The following TEN1 variants were observed in gnomAD, a reference collection of about 807,000 sequenced individuals.
The protein encoded by TEN1 is CST complex subunit TEN1.
A neutral mutation model predicts 9.3 loss-of-function variants in TEN1; 6 were observed. The observed-to-expected ratio is 0.65, with a 90% CI of 0.35 to 1.27. The LOEUF is 1.27. Ranked by LOEUF, TEN1 falls within the 50% of genes most tolerant of loss-of-function variation. The pLI, the probability that TEN1 is intolerant of heterozygous loss-of-function variation, is 0.03. For missense variants in TEN1, 149 were observed against 158.2 expected (o/e 0.94, Z 0.31); for synonymous variants, 65 against 65.6 (o/e 0.99, Z 0.04).
At position 76,000,498 on chromosome 17, in the gene TEN1, G is replaced by A; in HGVS notation, c.*236G>A. On this transcript the variant is annotated 3_prime_UTR_variant, in exon 4 of 4. Coordinates refer to ENST00000397640, the MANE Select transcript of TEN1 (RefSeq NM_001113324.3). This position sits in a 1 kb window ranked among gnomAD's most constrained non-coding sequence, Gnocchi z 5.9. ...ACCCCAGGAGACTGCAGGTGGCCGA[G>A]CTTGGGCGCCGGGGCCGTGCTTGGT... is the stretch of plus-strand genomic sequence containing the variant. The A allele has an allele frequency of 8.4e-6, 5 of 593,538 alleles. No homozygotes were observed. The South Asian group carries it at 1.2e-4, about 15-fold the overall frequency. The allele number at this position is 593,538 out of a possible 1,614,324, so 36.8% of individuals were successfully genotyped here. A position where few individuals can be genotyped will look rare whatever the true frequency, so the allele number is the denominator to read the frequency against.
At position 75,991,611 on chromosome 17, in the gene TEN1, C is replaced by T; in HGVS notation, c.238C>T (p.Gln80Ter). 6.4e-7 allele frequency: 1 copy of T among 1,551,550 alleles called. No homozygotes were observed. Among genetic ancestry groups the T allele is most frequent in the South Asian group, 1.2e-5 (1 of 84,052 alleles). Residue 80 changes from glutamine (Q) to a stop codon, truncating the protein, a stop_gained, in exon 3 of 4, where the codon CAG becomes TAG. Coordinates refer to ENST00000397640, the MANE Select transcript of TEN1 (RefSeq NM_001113324.3). LOFTEE classifies it high-confidence loss of function. ...GSLYIVLGEL[Q>*]HQQDRGSVVK... is the part of the protein sequence containing the mutation. Reference sequence around the variant, plus strand: ...CCTGTACATCGTCCTCGGGGAGCTCCAGCATCAGCAGGGTGAGCTGCAGCC... The same window carrying T: ...CCTGTACATCGTCCTCGGGGAGCTCTAGCATCAGCAGGGTGAGCTGCAGCC...
intron 2 of TEN1, among the ~76,000 whole-genome samples, chr17:75,989,344 C>T (rs777901134): frequency 3.3e-5 from 5 of 151,074 alleles, no homozygotes; most frequent in Non-Finnish European, 5.9e-5. Context: ...GATCTCCTGA[C>T]CTCGTGATCT....
chr17:75,999,756 C>A (rs1477867281), intron 3 of TEN1, among the ~76,000 whole-genome samples: 1 of 152,126 alleles, frequency 6.6e-6, no homozygotes, highest in African/African-American at 2.4e-5. Context: ...CTGCTAGAAG[C>A]CCCCCTCGTC....
chr17:75,984,340 TA>T (rs2144344088), intron 1 of TEN1, among the ~76,000 whole-genome samples: 1 of 152,334 alleles, frequency 6.6e-6, no homozygotes, highest in South Asian at 2.1e-4. Flanking sequence ...TCTGAAGAAA[TA>T]ATGGTCGGCT....
At chr17:75,993,776 C>T (rs900370892) in intron 3 of TEN1, among the ~76,000 whole-genome samples, 23 of 152,036 alleles carry the variant, frequency 1.5e-4, no homozygotes, top group Non-Finnish European at 1.6e-4. Context: ...GCGGGCGGAT[C>T]TCGAGGTCAG....
chr17:75,986,207 A>G lies in TEN1; in HGVS notation c.15A>G (p.Lys5=). MMLP[K]PGTYYLPWEV... is the part of the protein sequence containing the mutation. Reference sequence around the variant, plus strand: ...TACAGGAGCCCATGATGCTGCCCAAACCTGGGACCTATTACCTCCCCTGGG... The same window carrying G: ...TACAGGAGCCCATGATGCTGCCCAAGCCTGGGACCTATTACCTCCCCTGGG... Residue 5 remains lysine, a synonymous_variant, in exon 2 of 4, where the codon AAA becomes AAG. Transcript: ENST00000397640. The G allele has an allele frequency of 6.5e-7, 1 of 1,549,086 alleles. No homozygotes were observed.
At chr17:75,999,764 G>A (rs2066241866) in intron 3 of TEN1, among the ~76,000 whole-genome samples, 2 of 152,006 alleles carry the variant, frequency 1.3e-5, no homozygotes, top group African/African-American at 2.4e-5. Flanking sequence ...AGCCCCCCTC[G>A]TCCAGGGTGG....
chr17:75,982,390 A>C (rs2144340854), intron 1 of TEN1, among the ~76,000 whole-genome samples: 1 of 152,218 alleles, frequency 6.6e-6, no homozygotes, highest in South Asian at 2.1e-4. Flanking sequence ...TTTGACTATT[A>C]CTCTGCCTTT....
intron 1 of TEN1, among the ~76,000 whole-genome samples, chr17:75,980,293 T>A (rs2066107733): frequency 6.6e-6 from 1 of 152,020 alleles, no homozygotes; most frequent in Non-Finnish European, 1.5e-5. Context: ...GAGCCAAGAT[T>A]GTGACATTGC....
intron 3 of TEN1, among the ~76,000 whole-genome samples, chr17:75,993,406 A>C (rs2066199127): frequency 2.0e-5 from 3 of 151,990 alleles, no homozygotes; most frequent in African/African-American, 7.2e-5. Context: ...CCTGGCCTGG[A>C]AAGTTCTTTA....
rs564764770 is a variant in TEN1 at position 75,979,288 on chromosome 17, C to T, written c.-230C>T. 3.0e-6 allele frequency: 2 copies of T among 672,876 alleles called. No individual in the cohort carries two copies. Among genetic ancestry groups the T allele is most frequent in the South Asian group, 3.5e-5 (2 of 56,514 alleles). 41.7% of individuals were successfully genotyped at this position (672,876 alleles called of 1,614,324 possible). ...GCCCAGACAGAGGGGGCGATGTCCG[C>T]GTCGTGGCTGGGGCCGGTCGCGGGG... On this transcript the variant is annotated 5_prime_UTR_variant, in exon 1 of 4. Coordinates refer to ENST00000397640, the MANE Select transcript of TEN1 (RefSeq NM_001113324.3).
At position 76,000,236 on chromosome 17, in the gene TEN1, A is replaced by G. The variant is rs372525536; in HGVS notation, c.346A>G (p.Lys116Glu). 5 of 1,551,202 alleles carry G rather than the reference A, an allele frequency of 3.2e-6. No homozygotes were observed. The African/African-American group carries it at 6.8e-5, about 21-fold the overall frequency. ...AGCCATCCGGGAGCAGAGACTGTAC[A>G]AGCAGGAGCGGGGCGGCAGCCAGTA... ...EQAIREQRLY[K>E]QERGGSQ The change falls in exon 4 of 4, where the codon AAG (lysine) becomes GAG (glutamate). Residue 116 changes from lysine (K) to glutamate (E), a missense_variant. Coordinates refer to ENST00000397640, the MANE Select transcript of TEN1 (RefSeq NM_001113324.3). The surrounding 1 kb of genome is among the most constrained non-coding windows in gnomAD (Gnocchi z 5.9).
At chr17:75,990,382 C>G (rs1007324732) in intron 2 of TEN1, among the ~76,000 whole-genome samples, 1 of 151,892 alleles carries the variant, frequency 6.6e-6, no homozygotes, top group African/African-American at 2.4e-5. Context: ...ACATCTTGAT[C>G]TTTACTTCAC....
chr17:75,995,622 T>C (rs1009925886), intron 3 of TEN1, among the ~76,000 whole-genome samples: 3 of 152,184 alleles, frequency 2.0e-5, no homozygotes, highest in Non-Finnish European at 4.4e-5. Flanking sequence ...GAGGGCCCCC[T>C]GTTCTGGAAC....
chr17:75,992,237 T>G (rs2066190486), intron 3 of TEN1, among the ~76,000 whole-genome samples: 1 of 151,786 alleles, frequency 6.6e-6, no homozygotes, highest in East Asian at 2.0e-4. Flanking sequence ...ATTTTTTTTT[T>G]TTAGTTTTTT....
At chr17:75,981,777 C>A (rs2066122278) in intron 1 of TEN1, among the ~76,000 whole-genome samples, 1 of 152,046 alleles carries the variant, frequency 6.6e-6, no homozygotes, top group South Asian at 2.1e-4. Context: ...CGCCTATAAT[C>A]CTGGCACTTT....
Position 76,000,497 on chromosome 17 carries a change from A to T in TEN1, c.*235A>T, listed in dbSNP as rs111284362. ...CACCCCAGGAGACTGCAGGTGGCCG[A>T]GCTTGGGCGCCGGGGCCGTGCTTGG... On this transcript the variant is annotated 3_prime_UTR_variant, in exon 4 of 4. Coordinates refer to ENST00000397640, the MANE Select transcript of TEN1 (RefSeq NM_001113324.3). The surrounding 1 kb of genome is among the most constrained non-coding windows in gnomAD (Gnocchi z 5.9). 5.1e-6 allele frequency: 3 copies of T among 586,260 alleles called. No homozygotes were observed. The highest frequency in any genetic ancestry group is 8.3e-6 in the Non-Finnish European group (3 of 359,386). 36.3% of individuals were successfully genotyped at this position (586,260 alleles called of 1,614,324 possible).
At chr17:75,995,525 G>T (rs183906792) in intron 3 of TEN1, among the ~76,000 whole-genome samples, 1 of 152,188 alleles carries the variant, frequency 6.6e-6, no homozygotes, top group Non-Finnish European at 1.5e-5. Context: ...TTGCCTAAGA[G>T]CTAGCTAAGA....
In TEN1 at chr17:76,000,270, C is replaced by A. The variant is rs1248297723; in HGVS notation, c.*8C>A. ...CGGGGCGGCAGCCAGTAGGAAACAG[C>A]AGCCTAGCAACACCCTCACCTGCTT... On this transcript the variant is annotated 3_prime_UTR_variant, in exon 4 of 4. Coordinates refer to ENST00000397640, the MANE Select transcript of TEN1 (RefSeq NM_001113324.3). The surrounding 1 kb of genome is among the most constrained non-coding windows in gnomAD (Gnocchi z 5.9). The A allele has an allele frequency of 6.5e-7, 1 of 1,550,260 alleles. No homozygotes were observed. The highest frequency in any genetic ancestry group is 1.2e-5 in the South Asian group (1 of 83,906).
Sources: allele counts gnomAD v4.1 joint callset (sites outside exome capture counted in the v4.1 genomes callset), GRCh38; gene constraint gnomAD v4.1.1; non-coding constraint Gnocchi (gnomAD v3.1); transcripts MANE v1.5; gene names NCBI Gene and HGNC (gene_info 2026-07-23, HGNC 2026-07-21).